Variants in BCR observed in about 807,000 individuals in gnomAD.
BCR encodes the protein BCR activator of RhoGEF and GTPase, also known as breakpoint cluster region protein.
BCR carries 58 observed loss-of-function variants against 138.6 expected under a neutral mutation model. That is an observed-to-expected ratio of 0.42 (90% CI 0.34 to 0.52). The LOEUF is 0.52. Among genes scored for constraint, BCR ranks in the 20% least tolerant of loss-of-function variants. The pLI, the probability that BCR is intolerant of heterozygous loss-of-function variation, is 0.06. For synonymous variants in BCR, 786 were observed against 730.1 expected (o/e 1.08, Z -1.23); for missense variants, 1,599 against 1,727.2 (o/e 0.93, Z 1.32).
chr22:23,231,548 T>TAAAATA (rs148906561), intron 1 of BCR, among the ~76,000 whole-genome samples: 198 of 137,862 alleles, frequency 1.4e-3, no homozygotes, highest in African/African-American at 5.0e-3. Context: ...TAAAATAAAA[T>TAAAATA]AAATAAAATA....
At chr22:23,217,509 CTG>C (rs2072769837) in intron 1 of BCR, among the ~76,000 whole-genome samples, 1 of 152,188 alleles carries the variant, frequency 6.6e-6, no homozygotes, top group African/African-American at 2.4e-5. Context: ...TTGGCCTCCT[CTG>C]TAAGGTAGGC....
chr22:23,193,552 G>A (rs1400796015), intron 1 of BCR, among the ~76,000 whole-genome samples: 1 of 152,272 alleles, frequency 6.6e-6, no homozygotes, highest in Non-Finnish European at 1.5e-5. Context: ...TGTATAACCA[G>A]TATGAGCTCC....
chr22:23,280,313 C>T (rs1303410340), intron 8 of BCR, among the ~76,000 whole-genome samples: 2 of 152,202 alleles, frequency 1.3e-5, no homozygotes, highest in African/African-American at 2.4e-5. Context: ...GGTGCCCCTC[C>T]TCACTCCCAC....
chr22:23,182,692 A>G (rs1213435941), intron 1 of BCR, among the ~76,000 whole-genome samples: 3 of 152,246 alleles, frequency 2.0e-5, no homozygotes, highest in African/African-American at 7.2e-5. Context: ...CACCCCACTG[A>G]TCCTGTTCTG....
At chr22:23,303,134 T>C (rs1345813869) in intron 16 of BCR, among the ~76,000 whole-genome samples, 1 of 152,152 alleles carries the variant, frequency 6.6e-6, no homozygotes, top group African/African-American at 2.4e-5. Flanking sequence ...TTTTACTATA[T>C]ATATATAAAC....
In BCR at chr22:23,181,397, G is replaced by A. The variant is rs1237220885; in HGVS notation, c.437G>A (p.Gly146Glu). 4.5e-6 allele frequency: 7 copies of A among 1,559,802 alleles called. No individual in the cohort carries two copies. Among genetic ancestry groups the A allele is most frequent in the Non-Finnish European group, 6.1e-6 (7 of 1,153,640 alleles). Residue 146 changes from glycine to glutamate, a missense_variant, in exon 1 of 23, where the codon GGA becomes GAA. By Grantham distance (98) the Gly-to-Glu change is moderately conservative (BLOSUM62 -2). Around this residue, in one of 4 missense-constraint regions of BCR, gnomAD observed 806 missense variants for 635.0 expected, o/e 1.27. Transcript: ENST00000305877. ...AAASGERDDR[G>E]PPASVAALRS... The stretch of plus-strand genomic sequence containing the variant: ...GCGTCGGGGGAACGGGACGACCGGG[G>A]ACCCCCCGCCAGCGTGGCGGCGCTC...
intron 1 of BCR, among the ~76,000 whole-genome samples, chr22:23,246,160 C>G (rs550529782): frequency 2.6e-5 from 4 of 152,268 alleles, no homozygotes; most frequent in Admixed American, 2.6e-4. Flanking sequence ...TGTAGTGGCT[C>G]ACACCTGCAA....
intron 22 of BCR, among the ~76,000 whole-genome samples, chr22:23,314,948 G>A (rs554566026): frequency 5.3e-5 from 8 of 152,340 alleles, no homozygotes; most frequent in South Asian, 2.1e-4. Flanking sequence ...CAAGTGTTCG[G>A]GTGTGGTGGC....
chr22:23,185,071 G>A (rs1208698729), intron 1 of BCR, among the ~76,000 whole-genome samples: 1 of 152,170 alleles, frequency 6.6e-6, no homozygotes, highest in Non-Finnish European at 1.5e-5. Flanking sequence ...AGCCATCCCT[G>A]GGCACGGTGA....
intron 16 of BCR, chr22:23,302,426 T>C (rs1240502523): frequency 6.6e-6 from 1 of 152,360 alleles, no homozygotes; most frequent in Non-Finnish European, 1.5e-5. Flanking sequence ...CTCTACCTGC[T>C]GCAACTGCCT....
intron 6 of BCR, among the ~76,000 whole-genome samples, chr22:23,271,821 A>T (rs16998960): frequency 0.055 from 8,432 of 152,174 alleles, 794 homozygotes; most frequent in African/African-American, 0.19. Context: ...GTGCTGCTTA[A>T]ATTGACTTAA....
intron 5 of BCR, among the ~76,000 whole-genome samples, chr22:23,270,622 C>G (rs922284917): frequency 6.6e-6 from 1 of 152,182 alleles, no homozygotes; most frequent in African/African-American, 2.4e-5. Context: ...AGCGTTTGGC[C>G]CCAGTGAGCT....
chr22:23,278,627 G>T (rs536261987), intron 8 of BCR, among the ~76,000 whole-genome samples: 5 of 151,804 alleles, frequency 3.3e-5, no homozygotes, highest in African/African-American at 1.2e-4. Context: ...CTCCGGAGGC[G>T]GAGGCAGGAG....
intron 5 of BCR, among the ~76,000 whole-genome samples, chr22:23,271,093 A>G (rs758710312): frequency 1.6e-4 from 25 of 152,174 alleles, no homozygotes; most frequent in Non-Finnish European, 2.9e-4. Context: ...GTTGGCCTCC[A>G]TTTACAGGAT....
chr22:23,234,209 G>A (rs1432830142), intron 1 of BCR, among the ~76,000 whole-genome samples: 1 of 152,156 alleles, frequency 6.6e-6, no homozygotes, highest in Non-Finnish European at 1.5e-5. Context: ...GTTTTTCTGC[G>A]ACCCTGTGTG....
At position 23,181,376 on chromosome 22, in the gene BCR, CG is replaced by C; in HGVS notation, c.421del (p.Glu141AsnfsTer38). The C allele has an allele frequency of 1.3e-6, 2 of 1,532,234 alleles. No individual in the cohort carries two copies. Among genetic ancestry groups the C allele is most frequent in the South Asian group, 1.3e-5 (1 of 79,784 alleles). The allele number at this position is 1,532,234 out of a possible 1,614,324, so 94.9% of individuals were successfully genotyped here. The stretch of plus-strand genomic sequence containing the variant: ...GCCCGCAGGCCCGGGGCAGCCGCGT[CG>C]GGGGAACGGGACGACCGGGGACCCC... ...GTARRPGAAASGERDDRGPPA... is the reference protein window; with the variant it reads ...GTARRPGAAAXGERDDRGPPA... On this transcript the variant is annotated frameshift_variant, in exon 1 of 23. Coordinates refer to ENST00000305877, the MANE Select transcript of BCR (RefSeq NM_004327.4). LOFTEE classifies it high-confidence loss of function.
At chr22:23,294,211 C>T (rs2073820232) in intron 15 of BCR, among the ~76,000 whole-genome samples, 1 of 152,142 alleles carries the variant, frequency 6.6e-6, no homozygotes, top group South Asian at 2.1e-4. Flanking sequence ...AGTTGATGAG[C>T]CTGCATTAAC....
chr22:23,256,393 G>C (rs1287322234), intron 2 of BCR, among the ~76,000 whole-genome samples: 1 of 152,078 alleles, frequency 6.6e-6, no homozygotes, highest in African/African-American at 2.4e-5. Flanking sequence ...CCTTGCCCGG[G>C]GTGCTGTGGG....
intron 6 of BCR, 43 bp from the exon 7 acceptor site, chr22:23,273,038 T>G (rs961839245): frequency 6.2e-7 from 1 of 1,603,820 alleles, no homozygotes; most frequent in Non-Finnish European, 8.5e-7. Flanking sequence ...GCTGGTGTGC[T>G]TCTCCATGTG....
Sources: allele counts gnomAD v4.1 joint callset (sites outside exome capture counted in the v4.1 genomes callset), GRCh38; gene constraint gnomAD v4.1.1; regional missense constraint gnomAD v4.1.1; transcripts MANE v1.5; gene names NCBI Gene and HGNC (gene_info 2026-07-23, HGNC 2026-07-21).